FGF10: variants seen among roughly 807,000 people sequenced by gnomAD.
FGF10 encodes the protein FGF-10.
A neutral mutation model predicts 19.8 loss-of-function variants in FGF10; 2 were observed. That is an observed-to-expected ratio of 0.10 (90% confidence interval 0.04 to 0.32). The LOEUF is 0.32. FGF10 is among the 10% of genes least tolerant of loss of function. FGF10 has a pLI of 1.00. For missense variants in FGF10, 191 were observed against 246.3 expected, an observed-to-expected ratio of 0.78 and a Z score of 1.50; for synonymous variants, 112 against 94.0, an observed-to-expected ratio of 1.19 and a Z score of -1.10.
intron 1 of FGF10, among the ~76,000 whole-genome samples, chr5:44,372,524 A>G (rs895252946): frequency 3.9e-5 from 6 of 152,142 alleles, no homozygotes; most frequent in Non-Finnish European, 7.4e-5. Context: ...GGTGGCCATT[A>G]TTCAGCCTTC....
intron 1 of FGF10, among the ~76,000 whole-genome samples, chr5:44,341,266 G>A (rs1294186928): frequency 6.6e-6 from 1 of 151,720 alleles, no homozygotes; most frequent in Non-Finnish European, 1.5e-5. Context: ...TGAAAATGTG[G>A]TATACATAAG....
intron 1 of FGF10, among the ~76,000 whole-genome samples, chr5:44,317,930 T>C (rs1341242030): frequency 2.0e-5 from 3 of 152,114 alleles, no homozygotes; most frequent in African/African-American, 7.2e-5. Context: ...TTGAGAACTG[T>C]TCATAATAAG....
intron 1 of FGF10, among the ~76,000 whole-genome samples, chr5:44,375,657 C>A (rs1741836762): frequency 6.6e-6 from 1 of 152,110 alleles, no homozygotes; most frequent in African/African-American, 2.4e-5. Flanking sequence ...TAAGAGGGAA[C>A]TAGCTTGTGT....
At chr5:44,317,686 C>A (rs1049144028) in intron 1 of FGF10, among the ~76,000 whole-genome samples, 11 of 152,088 alleles carry the variant, frequency 7.2e-5, no homozygotes, top group Admixed American at 6.6e-4. Flanking sequence ...GGTTTCTTCA[C>A]AACACTGTGC....
intron 1 of FGF10, among the ~76,000 whole-genome samples, chr5:44,376,518 C>CAA (rs1265124775): frequency 1.4e-5 from 1 of 72,694 alleles, no homozygotes. Context: ...AAAAAAAAAA[C>CAA]AAAAAACCCA....
intron 1 of FGF10, among the ~76,000 whole-genome samples, chr5:44,320,732 A>C (rs755164280): frequency 2.6e-5 from 4 of 151,208 alleles, no homozygotes; most frequent in Admixed American, 2.6e-4. Context: ...CTTTTTCTCT[A>C]CTTTTTTTTT....
In FGF10 at chr5:44,304,529, C is replaced by A; in HGVS notation, c.*466G>T. On this transcript the variant is annotated 3_prime_UTR_variant, in exon 3 of 3. Transcript: ENST00000264664. ...TCCTTTGGTTGTGCATATGATATGA[C>A]CCAAGTGCTTTCCAGTAAATGCTTG... 5.5e-6 allele frequency: 1 copy of A among 183,450 alleles called. No homozygotes were observed. Among genetic ancestry groups the A allele is most frequent in the South Asian group, 1.1e-4 (1 of 8,760 alleles). 11.4% of individuals were successfully genotyped at this position (183,450 alleles called of 1,614,324 possible). A position where few individuals can be genotyped will look rare whatever the true frequency, so the allele number is the denominator to read the frequency against.
At chr5:44,339,770 C>CT (rs1248891415) in intron 1 of FGF10, among the ~76,000 whole-genome samples, 4 of 152,088 alleles carry the variant, frequency 2.6e-5, no homozygotes, top group Non-Finnish European at 5.9e-5. Flanking sequence ...AAATTCTTCC[C>CT]TTCTTTCAGA....
intron 1 of FGF10, among the ~76,000 whole-genome samples, chr5:44,328,571 A>G (rs1402182395): frequency 1.3e-5 from 2 of 152,148 alleles, no homozygotes; most frequent in Admixed American, 1.3e-4. Context: ...CAGCCTGGGC[A>G]CCATAGTGAG....
At chr5:44,375,135 C>T (rs1398823186) in intron 1 of FGF10, among the ~76,000 whole-genome samples, 1 of 151,960 alleles carries the variant, frequency 6.6e-6, no homozygotes. Flanking sequence ...AGTTATTTAC[C>T]TAATAATATA....
intron 1 of FGF10, among the ~76,000 whole-genome samples, chr5:44,335,858 A>G (rs957924832): frequency 2.0e-5 from 3 of 152,126 alleles, no homozygotes; most frequent in Non-Finnish European, 4.4e-5. Flanking sequence ...CATATTATTG[A>G]ATATTTAAAA....
chr5:44,327,475 C>G (rs1171280520), intron 1 of FGF10, among the ~76,000 whole-genome samples: 1 of 152,032 alleles, frequency 6.6e-6, no homozygotes, highest in African/African-American at 2.4e-5. Context: ...AAAAAGAGTC[C>G]CTTAACCACA....
intron 1 of FGF10, among the ~76,000 whole-genome samples, chr5:44,364,974 G>A (rs1178708871): frequency 4.0e-5 from 6 of 151,832 alleles, no homozygotes; most frequent in African/African-American, 1.5e-4. Flanking sequence ...GAGAATAAGA[G>A]ATATGAGTTA....
At chr5:44,361,828 C>T (rs1741488981) in intron 1 of FGF10, among the ~76,000 whole-genome samples, 1 of 151,654 alleles carries the variant, frequency 6.6e-6, no homozygotes, top group Non-Finnish European at 1.5e-5. Flanking sequence ...TCTCTACTTC[C>T]TAAGCACCTA....
intron 1 of FGF10, among the ~76,000 whole-genome samples, chr5:44,370,562 C>G (rs962015524): frequency 6.6e-6 from 1 of 152,048 alleles, no homozygotes; most frequent in African/African-American, 2.4e-5. Flanking sequence ...ATAGTCCCAG[C>G]ACTCAGTAGA....
At chr5:44,386,488 C>A (rs1742100153) in intron 1 of FGF10, among the ~76,000 whole-genome samples, 1 of 152,154 alleles carries the variant, frequency 6.6e-6, no homozygotes, top group South Asian at 2.1e-4. Flanking sequence ...GTTTGGATAG[C>A]TTCTTCCCCA....
chr5:44,365,409 A>G (rs769302024), intron 1 of FGF10, among the ~76,000 whole-genome samples: 1 of 149,546 alleles, frequency 6.7e-6, no homozygotes, highest in African/African-American at 2.4e-5. Flanking sequence ...TTCTTTCTTT[A>G]TAAATCCTGA....
chr5:44,340,233 G>T (rs527297057), intron 1 of FGF10, among the ~76,000 whole-genome samples: 20 of 152,180 alleles, frequency 1.3e-4, no homozygotes, highest in African/African-American at 4.8e-4. Context: ...ACAGAATTTG[G>T]GAGGTGAATG....
At chr5:44,362,458 A>G (rs339505) in intron 1 of FGF10, among the ~76,000 whole-genome samples, 99,092 of 151,294 alleles carry the variant, frequency 0.65, 32,684 homozygotes, top group South Asian at 0.71. Flanking sequence ...GATAAAATTA[A>G]CTAGGACATA....
Sources: gnomAD v4.1 joint callset for allele counts (sites outside exome capture counted in the v4.1 genomes callset) on GRCh38, gnomAD v4.1.1 for gene constraint, MANE v1.5 for transcripts, NCBI Gene and HGNC (gene_info 2026-07-23, HGNC 2026-07-21) for gene names.